The following NECAB1 variants were observed in gnomAD, a reference collection of about 807,000 sequenced individuals.
The protein encoded by NECAB1 is N-terminal EF-hand calcium binding protein 1.
In NECAB1, 29 loss-of-function variants were observed where a neutral mutation model predicts 57.5. The ratio of observed to expected loss-of-function variants is 0.50; its 90% CI spans 0.38 to 0.69. The LOEUF is 0.69. NECAB1 is among the 30% of genes least tolerant of loss of function. The pLI is 0.00. For synonymous variants in NECAB1, 142 were observed against 147.7 expected (o/e 0.96, Z 0.28); for missense variants, 372 against 413.8 (o/e 0.90, Z 0.88).
chr8:90,940,754 C>A, intron 9 of NECAB1, 32 bp from the exon 10 acceptor site: 1 of 1,521,494 alleles, frequency 6.6e-7, no homozygotes, highest in Non-Finnish European at 8.9e-7. Context: ...CCGTGACAGC[C>A]AACGCAGTGA....
intron 1 of NECAB1, among the ~76,000 whole-genome samples, chr8:90,793,582 G>A (rs1811611700): frequency 6.6e-6 from 1 of 152,194 alleles, no homozygotes. Context: ...GAGGTAAGCT[G>A]AGAAAAGAGA....
intron 2 of NECAB1, among the ~76,000 whole-genome samples, chr8:90,822,905 T>C (rs1812167121): frequency 6.6e-6 from 1 of 151,776 alleles, no homozygotes; most frequent in African/African-American, 2.4e-5. Context: ...GTCTTTCTTT[T>C]TCGCTCTTTA....
At chr8:90,856,163 G>A (rs1008603789) in intron 3 of NECAB1, among the ~76,000 whole-genome samples, 3 of 152,096 alleles carry the variant, frequency 2.0e-5, no homozygotes, top group Non-Finnish European at 2.9e-5. Flanking sequence ...TAGTTTTGGA[G>A]ACTCTGTTCA....
intron 3 of NECAB1, among the ~76,000 whole-genome samples, chr8:90,848,520 AAAG>A (rs200261403): frequency 0.014 from 2,065 of 152,322 alleles, 41 homozygotes; most frequent in African/African-American, 0.046. Flanking sequence ...CACTACTAAT[AAAG>A]AAATACCCAA....
intron 3 of NECAB1, among the ~76,000 whole-genome samples, chr8:90,832,252 G>C (rs1812308686): frequency 6.6e-6 from 1 of 152,156 alleles, no homozygotes; most frequent in Non-Finnish European, 1.5e-5. Context: ...TTCCTAGGAA[G>C]GCATTTCACT....
chr8:90,844,496 A>G (rs1812518965), intron 3 of NECAB1, among the ~76,000 whole-genome samples: 1 of 152,162 alleles, frequency 6.6e-6, no homozygotes, highest in Admixed American at 6.5e-5. Flanking sequence ...CACCAGGCTG[A>G]TGGAAGAGAG....
intron 8 of NECAB1, 95 bp from the exon 9 acceptor site, chr8:90,934,209 A>G: frequency 2.3e-6 from 2 of 854,864 alleles, no homozygotes; most frequent in Non-Finnish European, 3.6e-6. Context: ...TTTTGGTTCA[A>G]TGTTAGCCAT....
chr8:90,832,645 C>A (rs909867263), intron 3 of NECAB1, among the ~76,000 whole-genome samples: 1 of 151,758 alleles, frequency 6.6e-6, no homozygotes, highest in South Asian at 2.1e-4. Flanking sequence ...GATTATGTAC[C>A]AGGCAATTAA....
intron 2 of NECAB1, among the ~76,000 whole-genome samples, chr8:90,807,807 C>A (rs1292384460): frequency 6.6e-6 from 1 of 152,110 alleles, no homozygotes; most frequent in Non-Finnish European, 1.5e-5. Context: ...CATGCAGACA[C>A]CTCAACTACA....
intron 5 of NECAB1, among the ~76,000 whole-genome samples, chr8:90,893,524 C>A (rs1563521670): frequency 6.6e-6 from 1 of 152,172 alleles, no homozygotes; most frequent in Non-Finnish European, 1.5e-5. Context: ...GACAGATGGA[C>A]AGCCCAGATG....
chr8:90,906,887 A>ATATATATG (rs1809675590), intron 5 of NECAB1, among the ~76,000 whole-genome samples: 1 of 121,670 alleles, frequency 8.2e-6, no homozygotes, highest in African/African-American at 3.7e-5. Context: ...ATATATATAT[A>ATATATATG]TATATATATA....
At chr8:90,879,316 G>A (rs945888191) in intron 4 of NECAB1, among the ~76,000 whole-genome samples, 2 of 150,384 alleles carry the variant, frequency 1.3e-5, no homozygotes, top group Non-Finnish European at 3.0e-5. Context: ...AGCCTCCCAA[G>A]TAGCTGGGAT....
intron 4 of NECAB1, among the ~76,000 whole-genome samples, chr8:90,879,415 C>T (rs1808797131): frequency 1.3e-5 from 2 of 151,816 alleles, no homozygotes; most frequent in African/African-American, 4.8e-5. Flanking sequence ...TCCCAAAATA[C>T]TGAGATTATA....
intron 2 of NECAB1, among the ~76,000 whole-genome samples, chr8:90,804,724 T>C (rs1811819249): frequency 6.6e-6 from 1 of 152,210 alleles, no homozygotes; most frequent in Non-Finnish European, 1.5e-5. Context: ...CTGTCCACTT[T>C]TCCCCCTGCC....
intron 8 of NECAB1, among the ~76,000 whole-genome samples, chr8:90,931,972 C>A (rs1810420457): frequency 6.6e-6 from 1 of 151,788 alleles, no homozygotes; most frequent in South Asian, 2.1e-4. Flanking sequence ...TAATGTTAAA[C>A]AAAATAACAA....
rs1473344597 is a variant in NECAB1, at chr8:90,940,877, C to T, written c.839C>T (p.Ser280Phe). The part of the protein sequence containing the change: ...LALKHYVESA[S>F]SQSGCLRISI... ...CTGAAACACTACGTGGAGAGTGCTT[C>T]CTCCCAAAGTGGATGCTTGCGGTAA... The change falls in exon 10 of 13, where the codon TCC (serine) becomes TTC (phenylalanine). Residue 280 changes from serine to phenylalanine, a missense_variant. Ser to Phe is a radical substitution (Grantham distance 155). Transcript: ENST00000417640. 1.3e-6 allele frequency: 2 copies of T among 1,559,532 alleles called. No individual in the cohort carries two copies. Among genetic ancestry groups the T allele is most frequent in the East Asian group, 4.8e-5 (2 of 41,582 alleles).
intron 7 of NECAB1, among the ~76,000 whole-genome samples, chr8:90,926,056 T>C (rs1810260517): frequency 6.6e-6 from 1 of 152,206 alleles, no homozygotes; most frequent in Non-Finnish European, 1.5e-5. Context: ...CTTGTTTTCA[T>C]AATAGGATTA....
chr8:90,917,870 A>ATATATATATATATATATTTGTG, intron 6 of NECAB1, among the ~76,000 whole-genome samples: 1 of 64,344 alleles, frequency 1.6e-5, no homozygotes, highest in South Asian at 4.7e-4. Flanking sequence ...ATATATATAT[A>ATATATATATATATATATTTGTG]TGTGTGTGTG....
chr8:90,893,146 TG>T (rs1057507370), intron 5 of NECAB1, among the ~76,000 whole-genome samples: 1 of 152,182 alleles, frequency 6.6e-6, no homozygotes, highest in African/African-American at 2.4e-5. Flanking sequence ...GCTCTTCATC[TG>T]GCTGGTCCTC....
Sources: allele counts gnomAD v4.1 joint callset (sites outside exome capture counted in the v4.1 genomes callset), GRCh38; gene constraint gnomAD v4.1.1; transcripts MANE v1.5; gene names NCBI Gene and HGNC (gene_info 2026-07-23, HGNC 2026-07-21).